The following RAB38 variants were observed in gnomAD, a reference collection of about 807,000 sequenced individuals.
RAB38 encodes ras-related protein Rab-38.
A neutral mutation model predicts 18.4 loss-of-function variants in RAB38; 15 were observed. That is an observed-to-expected ratio of 0.82 (90% CI 0.55 to 1.26). RAB38 has a LOEUF of 1.26. RAB38 is among the 50% of genes most tolerant of loss of function. The probability of loss-of-function intolerance (pLI) is 0.00; values close to 1 mark genes in which losing one functional copy is unlikely to be tolerated. For missense variants in RAB38, 294 were observed against 267.4 expected (o/e 1.10, Z -0.69); for synonymous variants, 101 against 104.4 (o/e 0.97, Z 0.20).
At chr11:87,805,717 A>G in the RAB38 span, among the ~76,000 whole-genome samples, 15 of 132,760 alleles carry the variant, frequency 1.1e-4, no homozygotes, top group Non-Finnish European at 2.0e-4. Flanking sequence ...ATGTGTATAC[A>G]CACACATATA....
At chr11:88,067,920 T>C in the RAB38 span, among the ~76,000 whole-genome samples, 53,826 of 148,894 alleles carry the variant, frequency 0.36, 10,537 homozygotes, top group South Asian at 0.48. Context: ...TAAAATTATA[T>C]ATATATATAC....
chr11:87,949,967 T>C, the RAB38 span, among the ~76,000 whole-genome samples: 4 of 152,212 alleles, frequency 2.6e-5, no homozygotes, highest in Admixed American at 6.5e-5. Context: ...GTCTCATTGA[T>C]CTGTCTAATG....
chr11:87,975,884 G>A, the RAB38 span, among the ~76,000 whole-genome samples: 1 of 151,364 alleles, frequency 6.6e-6, no homozygotes, highest in Non-Finnish European at 1.5e-5. Context: ...GCAATGTCAT[G>A]AATAACATAG....
At chr11:88,088,616 G>C in the RAB38 span, among the ~76,000 whole-genome samples, 3 of 151,962 alleles carry the variant, frequency 2.0e-5, no homozygotes, top group Middle Eastern at 6.8e-3. Flanking sequence ...TTTCAAGGGG[G>C]AGCATGGTGA....
the RAB38 span, among the ~76,000 whole-genome samples, chr11:87,939,966 G>A: frequency 6.6e-6 from 1 of 151,382 alleles, no homozygotes. Flanking sequence ...AAAAAGAAGA[G>A]CAAATTAAAT....
At chr11:87,949,864 C>G in the RAB38 span, among the ~76,000 whole-genome samples, 1 of 152,176 alleles carries the variant, frequency 6.6e-6, no homozygotes, top group African/African-American at 2.4e-5. Flanking sequence ...AATGTATATT[C>G]TGTTGATTTG....
chr11:87,857,779 G>A, the RAB38 span, among the ~76,000 whole-genome samples: 1 of 152,062 alleles, frequency 6.6e-6, no homozygotes, highest in Non-Finnish European at 1.5e-5. Context: ...TTTCAGATGA[G>A]TAGATTGCAA....
chr11:88,157,484 A>G lies in RAB38; in HGVS notation c.203-7529T>C, dbSNP rs115094152. On this transcript the variant is annotated intron_variant, in intron 1 of 2. Coordinates refer to ENST00000243662, the MANE Select transcript of RAB38 (RefSeq NM_022337.3). ...AATTCTGAACTTGAATTTGACACTT[A>G]CTGATTGGACCTAACAGACATCTAC... 2.3e-3 allele frequency among the ~76,000 whole-genome samples: 355 copies of G among 152,332 alleles called. 1 individual carries two copies. The highest frequency in any genetic ancestry group is 8.3e-3 in the African/African-American group (347 of 41,588).
At chr11:87,942,641 A>T in the RAB38 span, among the ~76,000 whole-genome samples, 3 of 152,132 alleles carry the variant, frequency 2.0e-5, no homozygotes, top group Non-Finnish European at 4.4e-5. Context: ...TCTCAATTGT[A>T]TTATCATTTA....
chr11:87,909,386 G>A, the RAB38 span, among the ~76,000 whole-genome samples: 2 of 151,902 alleles, frequency 1.3e-5, no homozygotes, highest in African/African-American at 2.4e-5. Context: ...CATCTGTGAC[G>A]CAAATTCATT....
At chr11:88,118,404 C>A (rs1170301886) in intron 2 of RAB38, among the ~76,000 whole-genome samples, 2 of 152,190 alleles carry the variant, frequency 1.3e-5, no homozygotes, top group East Asian at 1.9e-4. Context: ...TCAGACCCTG[C>A]CTGATAGAAT....
chr11:87,916,154 G>A, the RAB38 span, among the ~76,000 whole-genome samples: 1 of 152,102 alleles, frequency 6.6e-6, no homozygotes, highest in Non-Finnish European at 1.5e-5. Context: ...CACAAATTAG[G>A]ACTTTGGGAG....
the RAB38 span, among the ~76,000 whole-genome samples, chr11:87,873,922 G>GTGTGTATATATTTATATATATA: frequency 9.7e-6 from 1 of 103,122 alleles, no homozygotes; most frequent in African/African-American, 3.8e-5. Context: ...GTGTGTGTGT[G>GTGTGTATATATTTATATATATA]TATATATATA....
the RAB38 span, among the ~76,000 whole-genome samples, chr11:87,910,283 A>G: frequency 2.0e-5 from 3 of 152,074 alleles, no homozygotes; most frequent in Admixed American, 6.6e-5. Context: ...TGTATTATCA[A>G]ATCTTTTGCC....
At chr11:88,117,337 C>T (rs1942567983) in intron 2 of RAB38, among the ~76,000 whole-genome samples, 1 of 152,164 alleles carries the variant, frequency 6.6e-6, no homozygotes, top group Non-Finnish European at 1.5e-5. Context: ...GAAAGGGCAT[C>T]AGGGTGCCAG....
chr11:88,034,429 C>G, the RAB38 span, among the ~76,000 whole-genome samples: 1 of 152,204 alleles, frequency 6.6e-6, no homozygotes, highest in Non-Finnish European at 1.5e-5. Context: ...AAATTGCCTA[C>G]TATTTTCAAG....
chr11:87,952,777 TTTTGTCTTTTACATG>T, the RAB38 span, among the ~76,000 whole-genome samples: 2 of 152,176 alleles, frequency 1.3e-5, no homozygotes, highest in African/African-American at 4.8e-5. Context: ...TTCCAGGACT[TTTTGTCTTTTACATG>T]TTTGTCTGAT....
chr11:87,921,194 G>A, the RAB38 span, among the ~76,000 whole-genome samples: 1 of 152,076 alleles, frequency 6.6e-6, no homozygotes, highest in African/African-American at 2.4e-5. Context: ...ACTTTAAAAT[G>A]TGTAAACTTT....
the RAB38 span, among the ~76,000 whole-genome samples, chr11:88,010,401 G>A: frequency 1.3e-5 from 2 of 152,332 alleles, no homozygotes; most frequent in South Asian, 2.1e-4. Context: ...GTTGCCAGAT[G>A]TATGAATAAC....
Sources: allele counts gnomAD v4.1 joint callset (sites outside exome capture counted in the v4.1 genomes callset), GRCh38; gene constraint gnomAD v4.1.1; transcripts MANE v1.5; gene names NCBI Gene and HGNC (gene_info 2026-07-23, HGNC 2026-07-21).